The following GPR26 variants were observed in gnomAD, a reference collection of about 807,000 sequenced individuals.
The protein encoded by GPR26 is G protein-coupled receptor 26.
GPR26 carries 15 observed loss-of-function variants against 23.1 expected under a neutral mutation model. The observed-to-expected ratio is 0.65, with a 90% CI of 0.43 to 1.00. GPR26 has a LOEUF of 1.00. Ranked by LOEUF, GPR26 falls within the 50% of genes least tolerant of loss-of-function variation. The pLI is 0.00. For synonymous variants in GPR26, 228 were observed against 222.1 expected (o/e 1.03, Z -0.24); for missense variants, 359 against 470.5 (o/e 0.76, Z 2.19).
chr10:123,666,386 G>C lies in GPR26; in HGVS notation c.-22G>C. The C allele has an allele frequency of 1.5e-6, 2 of 1,357,332 alleles. No individual in the cohort carries two copies. The highest frequency in any genetic ancestry group is 1.9e-6 in the Non-Finnish European group (2 of 1,062,560). 84.1% of individuals were successfully genotyped at this position (1,357,332 alleles called of 1,614,324 possible). On this transcript the variant is annotated 5_prime_UTR_variant, in exon 1 of 3. Transcript: ENST00000284674. ...GGCGGCGCCGGGTTGCGGACCCTGA[G>C]CGCCGGCGCGGGGCGCGCACCATGA...
chr10:123,683,583 G>A (rs555207007), intron 2 of GPR26, among the ~76,000 whole-genome samples: 6 of 152,336 alleles, frequency 3.9e-5, no homozygotes, highest in African/African-American at 1.4e-4. Flanking sequence ...CCGGGACCAG[G>A]ACTGCCTAGG....
At chr10:123,678,973 C>T (rs146782763) in intron 2 of GPR26, among the ~76,000 whole-genome samples, 10 of 152,336 alleles carry the variant, frequency 6.6e-5, no homozygotes, top group African/African-American at 2.4e-4. Flanking sequence ...AATAAGATCG[C>T]CCTGCAAAGC....
At position 123,666,646 on chromosome 10, in the gene GPR26, G is replaced by T. The variant is rs1263445473; in HGVS notation, c.239G>T (p.Arg80Leu). Reference sequence around the variant, plus strand: ...CAGCCGGCGGGCGACCGCCTGTGCCGCCTGGCTGCCTTCCTCGACACCTTC... The same window carrying T: ...CAGCCGGCGGGCGACCGCCTGTGCCTCCTGGCTGCCTTCCTCGACACCTTC... ...QRQPAGDRLC[R>L]LAAFLDTFLA... is the part of the protein sequence containing the mutation. Residue 80 changes from arginine to leucine, a missense_variant, in exon 1 of 3, where the codon CGC becomes CTC. Coordinates refer to ENST00000284674, the MANE Select transcript of GPR26 (RefSeq NM_153442.4). 6.9e-6 allele frequency: 11 copies of T among 1,595,424 alleles called. No homozygotes were observed. Among genetic ancestry groups the T allele is most frequent in the African/African-American group, 1.3e-5 (1 of 74,524 alleles).
intron 1 of GPR26, among the ~76,000 whole-genome samples, chr10:123,671,678 G>A (rs1845251467): frequency 6.6e-6 from 1 of 152,186 alleles, no homozygotes; most frequent in South Asian, 2.1e-4. Flanking sequence ...GCCCAGGGAT[G>A]TTTGAGAATG....
chr10:123,696,362 T>C lies in GPR26; in HGVS notation c.*8202T>C, dbSNP rs573595327. Among the ~76,000 whole-genome samples, 1 of 152,326 alleles carries C rather than the reference T, an allele frequency of 6.6e-6. No individual in the cohort carries two copies. Among genetic ancestry groups the C allele is most frequent in the African/African-American group, 2.4e-5 (1 of 41,586 alleles). On this transcript the variant is annotated 3_prime_UTR_variant, in exon 3 of 3. Coordinates refer to ENST00000284674, the MANE Select transcript of GPR26 (RefSeq NM_153442.4). ...TAGTAATGAGGGCACTGAACACCAA[T>C]TCTTTACATTCCTTGAATTTTCATA...
intron 2 of GPR26, among the ~76,000 whole-genome samples, chr10:123,686,632 T>C (rs1040389886): frequency 6.6e-6 from 1 of 152,180 alleles, no homozygotes; most frequent in Non-Finnish European, 1.5e-5. Context: ...GTATAACCAA[T>C]TAAAGATAGA....
chr10:123,694,597 GGAA>G lies in GPR26; in HGVS notation c.*6442_*6444del, dbSNP rs1195108998. 6.7e-6 allele frequency: 1 copy of G among 150,004 alleles called. No individual in the cohort carries two copies. Among genetic ancestry groups the G allele is most frequent in the African/African-American group, 2.5e-5 (1 of 40,676 alleles). The allele number at this position is 150,004 out of a possible 1,614,324, so 9.3% of individuals were successfully genotyped here. On this transcript the variant is annotated 3_prime_UTR_variant, in exon 3 of 3. Transcript: ENST00000284674. ...GAGAGAAGGAAGAATGGCAAAGGAA[GGAA>G]GAAGGAGAGAAGGAAGGAAAAACAA...
intron 2 of GPR26, among the ~76,000 whole-genome samples, chr10:123,683,080 AGAG>A (rs2133929572): frequency 8.1e-6 from 1 of 122,820 alleles, no homozygotes; most frequent in African/African-American, 3.0e-5. Flanking sequence ...AAGAGAGAAG[AGAG>A]GAGAGATGAT....
At chr10:123,680,810 GT>G (rs1564732092) in intron 2 of GPR26, among the ~76,000 whole-genome samples, 2 of 21,602 alleles carry the variant, frequency 9.3e-5, no homozygotes, top group Admixed American at 7.8e-4. Context: ...GGTTTTTTTT[GT>G]TTTGTTTTGT....
chr10:123,677,248 A>G (rs184086868), intron 2 of GPR26, among the ~76,000 whole-genome samples: 2 of 152,292 alleles, frequency 1.3e-5, no homozygotes, highest in East Asian at 3.9e-4. Flanking sequence ...AGTAAAATGG[A>G]TGATGATGGA....
At chr10:123,678,971 C>T (rs552855543) in intron 2 of GPR26, among the ~76,000 whole-genome samples, 51 of 152,358 alleles carry the variant, frequency 3.3e-4, no homozygotes, top group African/African-American at 1.1e-3. Flanking sequence ...TAAATAAGAT[C>T]GCCCTGCAAA....
At chr10:123,675,030 G>T in intron 2 of GPR26, 99 bp downstream of exon 2, 1 of 725,940 alleles carries the variant, frequency 1.4e-6, no homozygotes, top group Non-Finnish European at 2.4e-6. Context: ...ACGTTCTTCT[G>T]CACGGTGTGT....
Position 123,688,210 on chromosome 10 carries a change from A to C in GPR26, c.*50A>C, listed in dbSNP as rs1845451805. ...TTAGAATGAGGCAGCGGTGAGAAGA[A>C]GGGTGGGAGGGCGTGGGGGCCCCTG... On this transcript the variant is annotated 3_prime_UTR_variant, in exon 3 of 3. Transcript: ENST00000284674. The C allele has an allele frequency of 4.0e-6, 2 of 493,922 alleles. No homozygotes were observed. The highest frequency in any genetic ancestry group is 1.5e-5 in the South Asian group (1 of 66,722). The allele number at this position is 493,922 out of a possible 1,614,324, so 30.6% of individuals were successfully genotyped here. A position where few individuals can be genotyped will look rare whatever the true frequency, so the allele number is the denominator to read the frequency against.
rs972891902 is a variant in GPR26 at position 123,690,594 on chromosome 10, G to A, written c.*2434G>A. 2.0e-5 allele frequency: 3 copies of A among 152,050 alleles called. No individual in the cohort carries two copies. Among genetic ancestry groups the A allele is most frequent in the Non-Finnish European group, 2.9e-5 (2 of 68,020 alleles). 9.4% of individuals were successfully genotyped at this position (152,050 alleles called of 1,614,324 possible). The stretch of plus-strand genomic sequence containing the variant: ...CTAAAACCAATTGTACCGACATCAC[G>A]TAGACAAAAACTCCAGATAAATCCA... On this transcript the variant is annotated 3_prime_UTR_variant, in exon 3 of 3. Transcript: ENST00000284674.
rs962424234 is a variant in GPR26 at position 123,692,926 on chromosome 10, G to C, written c.*4766G>C. ...GTATCTTTCCCTAATTCTCCAAACG[G>C]TTCAATCTCCAGTTTTATTCAGGGA... On this transcript the variant is annotated 3_prime_UTR_variant, in exon 3 of 3. Transcript: ENST00000284674. 3 of 152,072 alleles carry C rather than the reference G, an allele frequency of 2.0e-5. No individual in the cohort carries two copies. The highest frequency in any genetic ancestry group is 4.4e-5 in the Non-Finnish European group (3 of 68,032). The allele number at this position is 152,072 out of a possible 1,614,324, so 9.4% of individuals were successfully genotyped here.
chr10:123,669,571 A>G (rs1168155694), intron 1 of GPR26, among the ~76,000 whole-genome samples: 1 of 152,206 alleles, frequency 6.6e-6, no homozygotes, highest in African/African-American at 2.4e-5. Context: ...CCAGGACAGC[A>G]GCCGGAGTCT....
In GPR26 at chr10:123,690,448, C is replaced by T. The variant is rs1424779860; in HGVS notation, c.*2288C>T. On this transcript the variant is annotated 3_prime_UTR_variant, in exon 3 of 3. Coordinates refer to ENST00000284674, the MANE Select transcript of GPR26 (RefSeq NM_153442.4). ...TGCTTTCTCTGTACTGTATAGGCAA[C>T]ATGTTGTACTCCCAGTAGCAACTAG... 2.6e-5 allele frequency: 4 copies of T among 152,312 alleles called. No individual in the cohort carries two copies. Among genetic ancestry groups the T allele is most frequent in the African/African-American group, 7.2e-5 (3 of 41,560 alleles). 9.4% of individuals were successfully genotyped at this position (152,312 alleles called of 1,614,324 possible).
chr10:123,666,988 A>G lies in GPR26; in HGVS notation c.581A>G (p.Lys194Arg), dbSNP rs1408247975. 1.2e-6 allele frequency: 2 copies of G among 1,613,200 alleles called. No homozygotes were observed. Among genetic ancestry groups the G allele is most frequent in the Non-Finnish European group, 1.7e-6 (2 of 1,179,764 alleles). The change falls in exon 1 of 3, where the codon AAG (lysine) becomes AGG (arginine). Residue 194 changes from lysine (K) to arginine (R), a missense_variant. Coordinates refer to ENST00000284674, the MANE Select transcript of GPR26 (RefSeq NM_153442.4). ...GTCGTGCTCTGCTGCACGTACCTCA[A>G]GGTGCTCAAGGTGGCCCGCTTCCAT... ...SFVVLCCTYL[K>R]VLKVARFHCK...
chr10:123,676,737 A>AC (rs1845315013), intron 2 of GPR26, among the ~76,000 whole-genome samples: 2 of 151,938 alleles, frequency 1.3e-5, no homozygotes, highest in South Asian at 4.2e-4. Flanking sequence ...TAGCAGCATG[A>AC]CTCTGGAGTG....
Sources: gnomAD v4.1 joint callset for allele counts (sites outside exome capture counted in the v4.1 genomes callset) on GRCh38, gnomAD v4.1.1 for gene constraint, MANE v1.5 for transcripts, NCBI Gene and HGNC (gene_info 2026-07-23, HGNC 2026-07-21) for gene names.